Variants in TAP1 observed in about 807,000 individuals in gnomAD.
TAP1 encodes transporter 1, ATP binding cassette subfamily B member, also known as antigen peptide transporter 1.
TAP1 carries 56 observed loss-of-function variants against 79.3 expected under a neutral mutation model. That is an observed-to-expected ratio of 0.71 (90% confidence interval 0.57 to 0.88). The LOEUF (loss-of-function observed/expected upper bound fraction) is 0.88, where lower values mean the gene tolerates loss of function less well. TAP1 is among the 40% of genes least tolerant of loss of function. TAP1 has a pLI of 0.00. For missense variants in TAP1, 737 were observed against 936.3 expected (o/e 0.79, Z 2.78); for synonymous variants, 355 against 401.4 (o/e 0.88, Z 1.38).
In TAP1 at chr6:32,845,775, A is replaced by G; in HGVS notation, c.2051T>C (p.Leu684Pro). Residue 684 changes from leucine (L) to proline (P), a missense_variant, in exon 11 of 11, where the codon CTC becomes CCC. Transcript: ENST00000354258. The surrounding 1 kb of genome is among the most constrained non-coding windows in gnomAD (Gnocchi z 4.5). ...DANSQLQVEQLLYESPERYSR... is the reference protein window; with the variant it reads ...DANSQLQVEQPLYESPERYSR... The stretch of plus-strand genomic sequence containing the variant: ...GTACCGCTCAGGGCTTTCGTACAGG[A>G]GCTGCTCCACCTGAGGAAAGACATC... The G allele has an allele frequency of 1.2e-6, 2 of 1,611,752 alleles. No homozygotes were observed. Among genetic ancestry groups the G allele is most frequent in the Non-Finnish European group, 1.7e-6 (2 of 1,179,964 alleles).
Position 32,846,996 on chromosome 6 carries a change from A to G in TAP1, c.2040+72T>C, listed in dbSNP as rs1435253583. The G allele has an allele frequency of 1.9e-6, 3 of 1,587,078 alleles. No homozygotes were observed. The Admixed American group carries it at 5.0e-5, about 26-fold the overall frequency. ...TGGTTTGTATAATTATGATGTTAGT[A>G]AAACTAACAGAAGATGTATAAAAGA... is the stretch of plus-strand genomic sequence containing the variant. On this transcript the variant is annotated intron_variant, in intron 10 of 10. Coordinates refer to ENST00000354258, the MANE Select transcript of TAP1 (RefSeq NM_000593.6).
At chr6:32,848,313 C>T (rs967261818) in intron 7 of TAP1, 1 of 639,016 alleles carries the variant, frequency 1.6e-6, no homozygotes, top group Admixed American at 2.7e-5. Context: ...ACCACTATGC[C>T]ACACACTTGA....
chr6:32,845,506 T>G lies in TAP1; in HGVS notation c.*73A>C. 1 of 1,546,806 alleles carries G rather than the reference T, an allele frequency of 6.5e-7. No homozygotes were observed. The highest frequency in any genetic ancestry group is 1.1e-5 in the South Asian group (1 of 89,032). On this transcript the variant is annotated 3_prime_UTR_variant, in exon 11 of 11. Coordinates refer to ENST00000354258, the MANE Select transcript of TAP1 (RefSeq NM_000593.6). This position sits in a 1 kb window ranked among gnomAD's most constrained non-coding sequence, Gnocchi z 4.5. ...ACTCATCCTGGAGGCAGCTGCCTAC[T>G]CTGCAGCTGTGGTTCTCCACCACAG...
chr6:32,848,664 G>A lies in TAP1; in HGVS notation c.1554C>T (p.Val518=). The A allele has an allele frequency of 6.2e-7, 1 of 1,614,108 alleles. No individual in the cohort carries two copies. The highest frequency in any genetic ancestry group is 1.1e-5 in the South Asian group (1 of 91,080). Reference sequence around the variant, plus strand: ...TGGTAGGTTGTACCTGTAGCACTAAGACATCTGGGCGGTTTGGGTAGGCAA... The same window carrying A: ...TGGTAGGTTGTACCTGTAGCACTAAAACATCTGGGCGGTTTGGGTAGGCAA... ...VSFAYPNRPD[V]LVLQGLTFTL... Residue 518 remains valine (V), a synonymous_variant, in exon 7 of 11, where the codon GTC becomes GTT. Coordinates refer to ENST00000354258, the MANE Select transcript of TAP1 (RefSeq NM_000593.6).
At chr6:32,849,943 C>T (rs1042609930) in intron 5 of TAP1, 1 of 354,504 alleles carries the variant, frequency 2.8e-6, no homozygotes, top group Admixed American at 4.1e-5. Flanking sequence ...TCCCTGGCTT[C>T]CACTATTCCC....
rs1238004643 is a variant in TAP1, at chr6:32,847,996, A to G, written c.1663T>C (p.Tyr555His). The G allele has an allele frequency of 6.2e-7, 1 of 1,613,098 alleles. No homozygotes were observed. Among genetic ancestry groups the G allele is most frequent in the Non-Finnish European group, 8.5e-7 (1 of 1,180,028 alleles). ...STVAALLQNL[Y>H]QPTGGQLLLD... ...AGCAGCTGTCCCCCGGTGGGCTGGT[A>G]CAGATTCTGCAGCAGGGCAGCCACT... The change falls in exon 8 of 11, where the codon TAC becomes CAC. Residue 555 changes from tyrosine (Y) to histidine (H), a missense_variant. By Grantham distance (83) the Tyr-to-His change is moderately conservative. Transcript: ENST00000354258. The surrounding 1 kb of genome is among the most constrained non-coding windows in gnomAD (Gnocchi z 4.7).
In TAP1 at chr6:32,850,652, G is replaced by A; in HGVS notation, c.1051-135C>T. Reference sequence around the variant, plus strand: ...AGAAAAGAGAAAGAGACACAGCTATGCCCCTTGGATGCTAAAGAAATACGA... The same window carrying A: ...AGAAAAGAGAAAGAGACACAGCTATACCCCTTGGATGCTAAAGAAATACGA... On this transcript the variant is annotated intron_variant, in intron 4 of 10. Transcript: ENST00000354258. This position sits in a 1 kb window ranked among gnomAD's most constrained non-coding sequence, Gnocchi z 5.5. The A allele has an allele frequency of 2.4e-6, 2 of 834,444 alleles. No individual in the cohort carries two copies. Among genetic ancestry groups the A allele is most frequent in the Non-Finnish European group, 3.9e-6 (2 of 507,596 alleles). 51.7% of individuals were successfully genotyped at this position (834,444 alleles called of 1,614,324 possible).
In TAP1 at chr6:32,853,372, C is replaced by T; in HGVS notation, c.265G>A (p.Ala89Thr). 1.3e-6 allele frequency: 2 copies of T among 1,600,004 alleles called. No individual in the cohort carries two copies. Among genetic ancestry groups the T allele is most frequent in the East Asian group, 2.3e-5 (1 of 44,286 alleles). ...TVGSKSENAGAQGWLAALKPL... is the reference protein window; with the variant it reads ...TVGSKSENAGTQGWLAALKPL... ...TTCAAAGCAGCCAGCCAGCCCTGGGCACCTGCGTTTTCGCTCTTGGAGCCA... is the reference window on the plus strand; with the variant it reads ...TTCAAAGCAGCCAGCCAGCCCTGGGTACCTGCGTTTTCGCTCTTGGAGCCA... Residue 89 changes from alanine to threonine, a missense_variant, in exon 1 of 11, where the codon GCC (alanine) becomes ACC (threonine). This residue lies in a region of TAP1 where 406 missense variants were observed against 477.2 expected (regional missense o/e 0.85). Coordinates refer to ENST00000354258, the MANE Select transcript of TAP1 (RefSeq NM_000593.6). The surrounding 1 kb of genome is among the most constrained non-coding windows in gnomAD (Gnocchi z 8.3).
chr6:32,849,118 T>C lies in TAP1; in HGVS notation c.1249A>G (p.Ile417Val). 1 of 1,577,384 alleles carries C rather than the reference T, an allele frequency of 6.3e-7. No individual in the cohort carries two copies. The highest frequency in any genetic ancestry group is 8.6e-7 in the Non-Finnish European group (1 of 1,161,366). The change falls in exon 6 of 11, where the codon ATT becomes GTT. Residue 417 changes from isoleucine to valine, a missense_variant and splice_region_variant. Transcript: ENST00000354258. ...CCCACTTTCAGCAGCATACCTGAAA[T>C]CTATAAAGAGACCACAAAAAAAGGG... ...AYAVNSWTTS[I>V]SGMLLKVGIL...
At position 32,845,602 on chromosome 6, in the gene TAP1, C is replaced by G. The variant is rs746330769; in HGVS notation, c.2224G>C (p.Ala742Pro). Residue 742 changes from alanine (A) to proline (P), a missense_variant, in exon 11 of 11, where the codon GCT becomes CCT. Coordinates refer to ENST00000354258, the MANE Select transcript of TAP1 (RefSeq NM_000593.6). The surrounding 1 kb of genome is among the most constrained non-coding windows in gnomAD (Gnocchi z 4.5). ...TTTCATTCTGGAGCATCTGCAGGAG[C>G]CTGCACCATGGCCCAGTAGCACCCC... ...KKGCYWAMVQ[A>P]PADAPE 19 of 1,612,988 alleles carry G rather than the reference C, an allele frequency of 1.2e-5. No individual in the cohort carries two copies. Among genetic ancestry groups the G allele is most frequent in the Admixed American group, 6.7e-5 (4 of 60,010 alleles).
At chr6:32,849,275 T>C in intron 5 of TAP1, 157 bp from the exon 6 acceptor site, 7 of 848,054 alleles carry the variant, frequency 8.3e-6, no homozygotes, top group South Asian at 1.5e-5. Context: ...AGAGACCCCA[T>C]GGAGTCTGAC....
chr6:32,847,432 G>A lies in TAP1; in HGVS notation c.1903+81C>T. The A allele has an allele frequency of 6.3e-7, 1 of 1,590,560 alleles. No individual in the cohort carries two copies. Among genetic ancestry groups the A allele is most frequent in the African/African-American group, 1.3e-5 (1 of 74,456 alleles). On this transcript the variant is annotated intron_variant, in intron 9 of 10. Transcript: ENST00000354258. This position sits in a 1 kb window ranked among gnomAD's most constrained non-coding sequence, Gnocchi z 4.7. ...CAAATTGATGTCCATGAGTAAGGAG[G>A]AACTGAAGGATAAAGGCAAGACTAC...
Position 32,845,914 on chromosome 6 carries a change from C to T in TAP1, c.2041-129G>A, listed in dbSNP as rs16871018. 6.2e-3 allele frequency: 4,641 copies of T among 748,548 alleles called. 33 individuals carry two copies. Among genetic ancestry groups the T allele is most frequent in the African/African-American group, 0.023 (1,317 of 58,068 alleles). The allele number at this position is 748,548 out of a possible 1,614,324, so 46.4% of individuals were successfully genotyped here. On this transcript the variant is annotated intron_variant, in intron 10 of 10. Transcript: ENST00000354258. The surrounding 1 kb of genome is among the most constrained non-coding windows in gnomAD (Gnocchi z 4.5). The stretch of plus-strand genomic sequence containing the variant: ...CTGCTAACAACCCCAAGGACACCAA[C>T]GTTTCCCATTCTGAGTACTTCTCCG...
rs1554246364 is a variant in TAP1, at chr6:32,851,924, T to TGTGTGAGA, written c.844+184_844+185insTCTCACAC. Reference sequence around the variant, plus strand: ...AAAAACAATTGTGTGTGTGTGTGTGTGAGAGAGAGAGAGAGAGAGACAGAG... The same window carrying TGTGTGAGA: ...AAAAACAATTGTGTGTGTGTGTGTGTGTGTGAGAGAGAGAGAGAGAGAGAGAGACAGAG... On this transcript the variant is annotated intron_variant, in intron 3 of 10. Coordinates refer to ENST00000354258, the MANE Select transcript of TAP1 (RefSeq NM_000593.6). This position sits in a 1 kb window ranked among gnomAD's most constrained non-coding sequence, Gnocchi z 4.8. 1.3e-4 allele frequency among the ~76,000 whole-genome samples: 19 copies of TGTGTGAGA among 147,336 alleles called. No homozygotes were observed. The highest frequency in any genetic ancestry group is 2.7e-4 in the Admixed American group (4 of 14,826).
Position 32,853,257 on chromosome 6 carries a change from C to T in TAP1, c.380G>A (p.Ser127Asn). 6.3e-7 allele frequency: 1 copy of T among 1,598,238 alleles called. No homozygotes were observed. The highest frequency in any genetic ancestry group is 8.5e-7 in the Non-Finnish European group (1 of 1,172,108). Residue 127 changes from serine to asparagine, a missense_variant, in exon 1 of 11, where the codon AGC (serine) becomes AAC (asparagine). Coordinates refer to ENST00000354258, the MANE Select transcript of TAP1 (RefSeq NM_000593.6). The surrounding 1 kb of genome is among the most constrained non-coding windows in gnomAD (Gnocchi z 8.3). ...ACTTCCCCAGTGCAGTAGCCTGGTG[C>T]TATCCGCGGACCCGGGGGCTCCCCA... ...ISWGAPGSAD[S>N]TRLLHWGSHP...
In TAP1 at chr6:32,853,558, G is replaced by A; in HGVS notation, c.79C>T (p.Leu27=). Residue 27 remains leucine, a synonymous_variant, in exon 1 of 11, where the codon CTG becomes TTG. Transcript: ENST00000354258. The surrounding 1 kb of genome is among the most constrained non-coding windows in gnomAD (Gnocchi z 8.3). ...AGCACCCAGTCGGCGAGAAGTAGCA[G>A]TACTGTCCCCAGCCATGCGAGAGAA... ...GASLAWLGTV[L]LLLADWVLLR... is the part of the protein sequence containing the mutation. 1.2e-6 allele frequency: 2 copies of A among 1,612,336 alleles called. No homozygotes were observed. The highest frequency in any genetic ancestry group is 1.7e-6 in the Non-Finnish European group (2 of 1,179,530).
At chr6:32,849,803 T>C (rs1050863077) in intron 5 of TAP1, 1 of 167,440 alleles carries the variant, frequency 6.0e-6, no homozygotes, top group African/African-American at 2.4e-5. Context: ...AATAAATAAA[T>C]AAAGAGGAAA....
At position 32,848,706 on chromosome 6, in the gene TAP1, C is replaced by G; in HGVS notation, c.1512G>C (p.Gln504His). ...LTPLHLEGLVQFQDVSFAYPN... is the reference protein window; with the variant it reads ...LTPLHLEGLVHFQDVSFAYPN... ...GGTAGGCAAAGGAGACATCTTGGAA[C>G]TGGACAAGGCCCTCCAAGTGTAAGG... The change falls in exon 7 of 11, where the codon CAG becomes CAC. Residue 504 changes from glutamine (Q) to histidine (H), a missense_variant. Around this residue, in one of 5 missense-constraint regions of TAP1, gnomAD observed 266 missense variants for 332.4 expected, o/e 0.80. Coordinates refer to ENST00000354258, the MANE Select transcript of TAP1 (RefSeq NM_000593.6). 1 of 1,614,116 alleles carries G rather than the reference C, an allele frequency of 6.2e-7. No individual in the cohort carries two copies. Among genetic ancestry groups the G allele is most frequent in the Non-Finnish European group, 8.5e-7 (1 of 1,180,018 alleles).
Position 32,845,683 on chromosome 6 carries a change from G to A in TAP1, c.2143C>T (p.Leu715=). ...LVEQADHILF[L]EGGAIREGGT... ...CCCTCCCGGATAGCGCCTCCTTCCA[G>A]AAAGAGGATGTGGTCAGCCTGCTCC... Residue 715 remains leucine, a synonymous_variant, in exon 11 of 11, where the codon CTG becomes TTG. Transcript: ENST00000354258. This position sits in a 1 kb window ranked among gnomAD's most constrained non-coding sequence, Gnocchi z 4.5. The A allele has an allele frequency of 1.9e-6, 3 of 1,613,120 alleles. No individual in the cohort carries two copies. The highest frequency in any genetic ancestry group is 2.7e-5 in the African/African-American group (2 of 75,060).
Sources: gnomAD v4.1 joint callset for allele counts (sites outside exome capture counted in the v4.1 genomes callset) on GRCh38, gnomAD v4.1.1 for gene constraint, gnomAD v4.1.1 regional missense constraint, Gnocchi (gnomAD v3.1) non-coding constraint, MANE v1.5 for transcripts, NCBI Gene and HGNC (gene_info 2026-07-23, HGNC 2026-07-21) for gene names.